The following STARD7 variants were observed in gnomAD, a reference collection of about 807,000 sequenced individuals.
The protein encoded by STARD7 is stAR-related lipid transfer protein 7, mitochondrial.
Under a neutral mutation model 45.3 loss-of-function variants are expected in STARD7, and 30 were observed. The ratio of observed to expected loss-of-function variants is 0.66; its 90% CI spans 0.50 to 0.90. The LOEUF is 0.90. Ranked by LOEUF, STARD7 falls within the 40% of genes least tolerant of loss-of-function variation. The pLI is 0.00. For missense variants in STARD7, 495 were observed against 491.3 expected (o/e 1.01, Z -0.07); for synonymous variants, 199 against 183.0 (o/e 1.09, Z -0.70).
intron 5 of STARD7, 58 bp from the exon 6 acceptor site, chr2:96,192,526 GAGAGCTA>G: frequency 7.4e-7 from 1 of 1,356,568 alleles, no homozygotes; most frequent in Non-Finnish European, 1.1e-6. Flanking sequence ...AAAACAACAG[GAGAGCTA>G]AGTTAAGGGG....
chr2:96,208,748 T>G lies in STARD7; in HGVS notation c.-314A>C, dbSNP rs533568014. 1 of 408,942 alleles carries G rather than the reference T, an allele frequency of 2.4e-6. No homozygotes were observed. Among genetic ancestry groups the G allele is most frequent in the Admixed American group, 4.4e-5 (1 of 22,760 alleles). 25.3% of individuals were successfully genotyped at this position (408,942 alleles called of 1,614,324 possible). A position where few individuals can be genotyped will look rare whatever the true frequency, so the allele number is the denominator to read the frequency against. ...CTCCAGCGGGCGCCCGGGGCCGGGA[T>G]GCAGGGCGCGCGGACAGAAACGAGA... On this transcript the variant is annotated 5_prime_UTR_variant, in exon 1 of 8. Coordinates refer to ENST00000337288, the MANE Select transcript of STARD7 (RefSeq NM_020151.4).
intron 1 of STARD7, among the ~76,000 whole-genome samples, chr2:96,195,950 T>C (rs1437792238): frequency 6.6e-6 from 1 of 151,460 alleles, no homozygotes; most frequent in East Asian, 1.9e-4. Context: ...CTGTCTCTAC[T>C]ACAAACACAA....
intron 6 of STARD7, 145 bp downstream of exon 6, chr2:96,192,224 A>C (rs1683135590): frequency 1.5e-6 from 1 of 663,460 alleles, no homozygotes; most frequent in Non-Finnish European, 2.7e-6. Flanking sequence ...GTTCCCAAAA[A>C]ATGGTTCCCA....
At chr2:96,206,100 A>G (rs1218098902) in intron 1 of STARD7, among the ~76,000 whole-genome samples, 1 of 152,188 alleles carries the variant, frequency 6.6e-6, no homozygotes, top group Non-Finnish European at 1.5e-5. Flanking sequence ...TTTCAGGGAC[A>G]GTCTGACCAG....
chr2:96,201,205 C>T (rs967732571), intron 1 of STARD7, among the ~76,000 whole-genome samples: 2 of 152,022 alleles, frequency 1.3e-5, no homozygotes, highest in African/African-American at 4.8e-5. Context: ...ACATTACATA[C>T]ATTACATGAA....
At chr2:96,204,776 G>C (rs1239590682) in intron 1 of STARD7, among the ~76,000 whole-genome samples, 3 of 112,280 alleles carry the variant, frequency 2.7e-5, no homozygotes, top group Non-Finnish European at 3.8e-5. Flanking sequence ...GTTCCTTTAA[G>C]GCAAAAGGAC....
At chr2:96,190,368 C>T (rs1683106898) in intron 6 of STARD7, among the ~76,000 whole-genome samples, 1 of 143,756 alleles carries the variant, frequency 7.0e-6, no homozygotes, top group Non-Finnish European at 1.5e-5. Flanking sequence ...ACGAGTCTCA[C>T]TGTGTCGCCC....
At chr2:96,207,275 G>A (rs1683408587) in intron 1 of STARD7, among the ~76,000 whole-genome samples, 1 of 152,210 alleles carries the variant, frequency 6.6e-6, no homozygotes, top group African/African-American at 2.4e-5. Flanking sequence ...GAAATATCAA[G>A]AATAAACAGG....
chr2:96,207,105 G>A (rs72937637), intron 1 of STARD7, among the ~76,000 whole-genome samples: 2 of 152,210 alleles, frequency 1.3e-5, no homozygotes. Flanking sequence ...CAGTTCTTAA[G>A]ATAGACTTGC....
intron 3 of STARD7, among the ~76,000 whole-genome samples, chr2:96,194,302 A>G (rs1350872837): frequency 1.3e-5 from 2 of 152,102 alleles, no homozygotes; most frequent in African/African-American, 2.4e-5. Flanking sequence ...GCAGCAAGAC[A>G]TGATCACACC....
At position 96,193,253 on chromosome 2, in the gene STARD7, T is replaced by C. The variant is rs1683153699; in HGVS notation, c.649A>G (p.Thr217Ala). The C allele has an allele frequency of 6.2e-7, 1 of 1,612,992 alleles. No homozygotes were observed. Among genetic ancestry groups the C allele is most frequent in the Non-Finnish European group, 8.5e-7 (1 of 1,179,170 alleles). ...GTAAAAATACTCACAGGAAAATGGG[T>C]TACCCAGTGAAGAACCTCGGAACCA... ...VSGSEVLHWV[T>A]HFPYPMYSRD... The change falls in exon 4 of 8, where the codon ACC becomes GCC. Residue 217 changes from threonine to alanine, a missense_variant. Transcript: ENST00000337288.
rs375690446 is a variant in STARD7 at position 96,195,329 on chromosome 2, C to T, written c.499+12G>A. On this transcript the variant is annotated intron_variant, in intron 2 of 7. Transcript: ENST00000337288. ...AACTATGGAACCCAAAAGATAGCCACACTGGGCTCACCTCGGTACTGGTAA... is the reference window on the plus strand; with the variant it reads ...AACTATGGAACCCAAAAGATAGCCATACTGGGCTCACCTCGGTACTGGTAA... 6.4e-7 allele frequency: 1 copy of T among 1,556,346 alleles called. No homozygotes were observed. Among genetic ancestry groups the T allele is most frequent in the Non-Finnish European group, 8.7e-7 (1 of 1,149,932 alleles).
intron 6 of STARD7, chr2:96,188,221 G>A (rs1339900376): frequency 7.0e-6 from 1 of 143,642 alleles, no homozygotes; most frequent in East Asian, 2.2e-4. Flanking sequence ...GTTGCAGTGA[G>A]CACAGATTGA....
intron 1 of STARD7, among the ~76,000 whole-genome samples, chr2:96,196,146 A>G (rs1322784768): frequency 6.6e-6 from 1 of 151,316 alleles, no homozygotes; most frequent in Non-Finnish European, 1.5e-5. Flanking sequence ...ACAAAAAACA[A>G]CGAAAAAAAA....
rs1683444470 is a variant in STARD7 at position 96,208,515 on chromosome 2, C to T, written c.-81G>A. On this transcript the variant is annotated 5_prime_UTR_variant, in exon 1 of 8. Coordinates refer to ENST00000337288, the MANE Select transcript of STARD7 (RefSeq NM_020151.4). Reference sequence around the variant, plus strand: ...GGGGCGCAGGCGGTGGTCGCAGCGTCCCCCTAAATGGCCGGCCACGAACCC... The same window carrying T: ...GGGGCGCAGGCGGTGGTCGCAGCGTTCCCCTAAATGGCCGGCCACGAACCC... 2 of 1,246,720 alleles carry T rather than the reference C, an allele frequency of 1.6e-6. No homozygotes were observed. The highest frequency in any genetic ancestry group is 1.6e-5 in the African/African-American group (1 of 63,180). 77.2% of individuals were successfully genotyped at this position (1,246,720 alleles called of 1,614,324 possible).
At position 96,208,202 on chromosome 2, in the gene STARD7, G is replaced by A. The variant is rs1199660666; in HGVS notation, c.233C>T (p.Ala78Val). 1.2e-6 allele frequency: 2 copies of A among 1,607,510 alleles called. No homozygotes were observed. The highest frequency in any genetic ancestry group is 8.5e-7 in the Non-Finnish European group (1 of 1,177,488). The change falls in exon 1 of 8, where the codon GCG becomes GTG. Residue 78 changes from alanine to valine, a missense_variant. By Grantham distance (64) the Ala-to-Val change is moderately conservative. This residue lies in a region of STARD7 where 282 missense variants were observed against 220.1 expected (regional missense o/e 1.28). Coordinates refer to ENST00000337288, the MANE Select transcript of STARD7 (RefSeq NM_020151.4). The stretch of plus-strand genomic sequence containing the variant: ...GTCCCAAACGAAGACGCCGGCTAAC[G>A]CCGCCATCAAGGCAGAGGCATGGCC... Reference protein sequence around the residue: ...RPGHASALMAALAGVFVWDEE... With the variant: ...RPGHASALMAVLAGVFVWDEE...
chr2:96,194,376 A>AG (rs1484932186), intron 3 of STARD7, among the ~76,000 whole-genome samples: 1 of 151,896 alleles, frequency 6.6e-6, no homozygotes, highest in Non-Finnish European at 1.5e-5. Flanking sequence ...AAAAAAAAAA[A>AG]CCCTCCACTA....
rs1573943516 is a variant in STARD7 at position 96,197,070 on chromosome 2, A to AAACTAACCTAAAC, written c.291-1522_291-1521insGTTTAGGTTAGTT. Among the ~76,000 whole-genome samples the AAACTAACCTAAAC allele has an allele frequency of 6.2e-5, 6 of 96,412 alleles. No homozygotes were observed. The South Asian group carries it at 9.5e-4, about 15-fold the overall frequency. The allele number at this position is 96,412 out of a possible 152,430, so 63.3% of individuals were successfully genotyped here. On this transcript the variant is annotated intron_variant, in intron 1 of 7. Coordinates refer to ENST00000337288, the MANE Select transcript of STARD7 (RefSeq NM_020151.4). ...AACAAGAGCGAAACTCCGTCTCAAA[A>AAACTAACCTAAAC]TAAAATAAAATAAAATAAAATAAAA...
Position 96,208,011 on chromosome 2 carries a change from G to A in STARD7, c.290+134C>T, listed in dbSNP as rs546491332. The A allele has an allele frequency of 8.9e-6, 7 of 785,292 alleles. No individual in the cohort carries two copies. The South Asian group carries it at 1.1e-4, about 12-fold the overall frequency. The allele number at this position is 785,292 out of a possible 1,614,324, so 48.6% of individuals were successfully genotyped here. A position where few individuals can be genotyped will look rare whatever the true frequency, so the allele number is the denominator to read the frequency against. ...GAGACAAATAACAACGCGGTTTGCT[G>A]AAGCAGGTTCAATCGACTGTATTGC... On this transcript the variant is annotated intron_variant, in intron 1 of 7. Transcript: ENST00000337288.
Sources: allele counts gnomAD v4.1 joint callset (sites outside exome capture counted in the v4.1 genomes callset), GRCh38; gene constraint gnomAD v4.1.1; regional missense constraint gnomAD v4.1.1; transcripts MANE v1.5; gene names NCBI Gene and HGNC (gene_info 2026-07-23, HGNC 2026-07-21).